The following MINDY1 variants were observed in gnomAD, a reference collection of about 807,000 sequenced individuals.
MINDY1 encodes the protein ubiquitin carboxyl-terminal hydrolase MINDY-1.
In MINDY1, 50 loss-of-function variants were observed where a neutral mutation model predicts 53.6. The ratio of observed to expected loss-of-function variants is 0.93; its 90% CI spans 0.74 to 1.18. MINDY1 has a LOEUF of 1.18. Among genes scored for constraint, MINDY1 ranks in the 50% most tolerant of loss-of-function variants. MINDY1 has a pLI of 0.00. For synonymous variants in MINDY1, 231 were observed against 234.7 expected (o/e 0.98, Z 0.14); for missense variants, 484 against 578.6 (o/e 0.84, Z 1.68).
At chr1:151,007,005 C>T (rs1411122988), upstream of MINDY1, 1 of 496,794 alleles carries the variant, frequency 2.0e-6, no homozygotes, top group Non-Finnish European at 2.6e-6. Context: ...TATGGCAGTC[C>T]TTTGCTCTGG....
chr1:151,006,328 C>T lies in MINDY1; in HGVS notation c.-106G>A. Reference sequence around the variant, plus strand: ...AGTTTTTACCTTAAAGAAGGGGGTGCTGTTCCAAGATTGAGAAGGAGGGTT... The same window carrying T: ...AGTTTTTACCTTAAAGAAGGGGGTGTTGTTCCAAGATTGAGAAGGAGGGTT... On this transcript the variant is annotated 5_prime_UTR_variant, in exon 1 of 10. Transcript: ENST00000683666. 1 of 1,415,574 alleles carries T rather than the reference C, an allele frequency of 7.1e-7. No individual in the cohort carries two copies. 87.7% of individuals were successfully genotyped at this position (1,415,574 alleles called of 1,614,324 possible).
Position 151,000,462 on chromosome 1 carries a change from G to A in MINDY1, c.730C>T (p.Pro244Ser). The A allele has an allele frequency of 1.2e-6, 2 of 1,602,788 alleles. No homozygotes were observed. Among genetic ancestry groups the A allele is most frequent in the South Asian group, 2.2e-5 (2 of 89,440 alleles). ...IPLYHGWLVD[P>S]QSPEAVRAVG... Reference sequence around the variant, plus strand: ...GTGGGCCCTCCCACCCTCACCTGTGGATCAACAAGCCAGCCATGGTACAGA... The same window carrying A: ...GTGGGCCCTCCCACCCTCACCTGTGAATCAACAAGCCAGCCATGGTACAGA... The change falls in exon 5 of 10, where the codon CCA becomes TCA. Residue 244 changes from proline to serine, a missense_variant. Transcript: ENST00000683666.
At chr1:151,000,399 T>C in intron 5 of MINDY1, 58 bp downstream of exon 5, 1 of 1,517,038 alleles carries the variant, frequency 6.6e-7, no homozygotes, top group Non-Finnish European at 8.8e-7. Context: ...GACAAAAATT[T>C]GCCTCTCTCA....
Position 150,999,795 on chromosome 1 carries a change from T to A in MINDY1, c.838+67A>T. The A allele has an allele frequency of 7.1e-7, 1 of 1,409,334 alleles. No homozygotes were observed. The highest frequency in any genetic ancestry group is 1.0e-6 in the Non-Finnish European group (1 of 1,003,164). The allele number at this position is 1,409,334 out of a possible 1,614,324, so 87.3% of individuals were successfully genotyped here. Reference sequence around the variant, plus strand: ...GGATGTGGTAGGAGATGACACCCAATAAAAAATAAGCCTAAGTAGCTGTCA... The same window carrying A: ...GGATGTGGTAGGAGATGACACCCAAAAAAAAATAAGCCTAAGTAGCTGTCA... On this transcript the variant is annotated intron_variant, in intron 6 of 9. Transcript: ENST00000683666. The surrounding 1 kb of genome is among the most constrained non-coding windows in gnomAD (Gnocchi z 4.4).
At chr1:151,008,355 C>T, upstream of MINDY1, 2 of 1,290,928 alleles carry the variant, frequency 1.5e-6, no homozygotes, top group Non-Finnish European at 2.0e-6. Flanking sequence ...CCACGCCACG[C>T]CCCCTTGGCC....
chr1:151,001,588 G>T, intron 3 of MINDY1, 137 bp downstream of exon 3: 1 of 1,107,188 alleles, frequency 9.0e-7, no homozygotes, highest in Non-Finnish European at 1.3e-6. Context: ...CAGCCTTGCA[G>T]AGAAGCCCCA....
rs1431653641 is a variant in MINDY1, at chr1:151,000,511, A to C, written c.681T>G (p.Ser227Arg). Residue 227 changes from serine to arginine, a missense_variant, in exon 5 of 10, where the codon AGT (serine) becomes AGG (arginine). Transcript: ENST00000683666. ...VSDFEYTPEC[S>R]VFDLLGIPLY... ...GAGGTATGCCTAGCAGGTCAAAGAC[A>C]CTGCACTCGGGTGTATACTCAAAAT... 6.2e-7 allele frequency: 1 copy of C among 1,614,010 alleles called. No individual in the cohort carries two copies. Among genetic ancestry groups the C allele is most frequent in the Non-Finnish European group, 8.5e-7 (1 of 1,179,964 alleles).
Position 151,002,764 on chromosome 1 carries a change from G to A in MINDY1, c.-89-58C>T. 14 of 1,500,302 alleles carry A rather than the reference G, an allele frequency of 9.3e-6. No homozygotes were observed. Among genetic ancestry groups the A allele is most frequent in the Non-Finnish European group, 1.2e-5 (14 of 1,122,620 alleles). The allele number at this position is 1,500,302 out of a possible 1,614,324, so 92.9% of individuals were successfully genotyped here. A position where few individuals can be genotyped will look rare whatever the true frequency, so the allele number is the denominator to read the frequency against. On this transcript the variant is annotated intron_variant, in intron 1 of 9. Transcript: ENST00000683666. The surrounding 1 kb of genome is among the most constrained non-coding windows in gnomAD (Gnocchi z 4.1). ...AAGCAAACTAACCCAGAAAAGTCTT[G>A]GAAAAGGAATGTAGTGTAGAAGGCT...
rs755855761 is a variant in MINDY1 at position 150,999,527 on chromosome 1, G to C, written c.839-16C>G. ...GCAATCAGGCCTGCCAGAAAGGGACGAGTCGGGGGAAACTTGGCTTAAATT... is the reference window on the plus strand; with the variant it reads ...GCAATCAGGCCTGCCAGAAAGGGACCAGTCGGGGGAAACTTGGCTTAAATT... On this transcript the variant is annotated splice_polypyrimidine_tract_variant and intron_variant, in intron 6 of 9. Coordinates refer to ENST00000683666, the MANE Select transcript of MINDY1 (RefSeq NM_001376665.1). This position sits in a 1 kb window ranked among gnomAD's most constrained non-coding sequence, Gnocchi z 4.4. 6.2e-7 allele frequency: 1 copy of C among 1,613,038 alleles called. No homozygotes were observed. Among genetic ancestry groups the C allele is most frequent in the Non-Finnish European group, 8.5e-7 (1 of 1,179,882 alleles).
rs1672611630 is a variant in MINDY1 at position 151,001,782 on chromosome 1, C to G, written c.454G>C (p.Val152Leu). 6.9e-6 allele frequency: 11 copies of G among 1,596,746 alleles called. No homozygotes were observed. Among genetic ancestry groups the G allele is most frequent in the Non-Finnish European group, 9.4e-6 (11 of 1,174,896 alleles). ...ACTTCCTTCTGCGGGGGGAGCTTCA[C>G]CTGGAGGCAGAAGGGGTGATCACGT... ...IMNILFLQWK[V>L]KLPPQKEVIT... Residue 152 changes from valine (V) to leucine (L), a missense_variant and splice_region_variant, in exon 3 of 10, where the codon GTG becomes CTG. By Grantham distance (32) the Val-to-Leu change is conservative. Coordinates refer to ENST00000683666, the MANE Select transcript of MINDY1 (RefSeq NM_001376665.1).
rs1571722525 is a variant in MINDY1, at chr1:151,000,750, C to T, written c.577-135G>A. The T allele has an allele frequency of 3.2e-6, 3 of 930,584 alleles. No individual in the cohort carries two copies. The East Asian group carries it at 7.5e-5, about 23-fold the overall frequency. The allele number at this position is 930,584 out of a possible 1,614,324, so 57.6% of individuals were successfully genotyped here. A position where few individuals can be genotyped will look rare whatever the true frequency, so the allele number is the denominator to read the frequency against. On this transcript the variant is annotated intron_variant, in intron 4 of 9. Transcript: ENST00000683666. ...TACAAGCCACTCCATTTCTCCCTTG[C>T]CTCAACCCTTCTCTATCTTATATAA...
At chr1:151,006,011 G>A in intron 1 of MINDY1, 2 of 1,490,046 alleles carry the variant, frequency 1.3e-6, no homozygotes, top group Non-Finnish European at 1.8e-6. Flanking sequence ...CTCCTTCTTA[G>A]TCTGACCTAT....
rs189395078 is a variant in MINDY1, at chr1:151,006,570, G to C, written c.-348C>G. The C allele has an allele frequency of 2.0e-6, 2 of 995,616 alleles. No homozygotes were observed. The highest frequency in any genetic ancestry group is 3.5e-5 in the African/African-American group (2 of 57,708). The allele number at this position is 995,616 out of a possible 1,614,324, so 61.7% of individuals were successfully genotyped here. ...GGACACAGCCAAGGTGCTCCAGGTC[G>C]CTCAGAGAGTCTTCAGGATTCCTGA... On this transcript the variant is annotated 5_prime_UTR_variant, in exon 1 of 10. Coordinates refer to ENST00000683666, the MANE Select transcript of MINDY1 (RefSeq NM_001376665.1).
Position 151,001,740 on chromosome 1 carries a change from G to C in MINDY1, c.496C>G (p.Leu166Val). Residue 166 changes from leucine (L) to valine (V), a missense_variant, in exon 3 of 10, where the codon CTC becomes GTC. Coordinates refer to ENST00000683666, the MANE Select transcript of MINDY1 (RefSeq NM_001376665.1). Reference protein sequence around the residue: ...PQKEVITSDELMAHLGNCLLS... With the variant: ...PQKEVITSDEVMAHLGNCLLS... ...AGTCACTCACCAAGATGGGCCATGA[G>C]CTCATCCGATGTGATCACTTCCTTC... 3.7e-6 allele frequency: 6 copies of C among 1,610,606 alleles called. No individual in the cohort carries two copies. The highest frequency in any genetic ancestry group is 5.1e-6 in the Non-Finnish European group (6 of 1,178,956).
Position 151,006,682 on chromosome 1 carries a change from T to A in MINDY1, c.-460A>T. On this transcript the variant is annotated 5_prime_UTR_variant, in exon 1 of 10. The change creates a premature stop within an existing upstream ORF in the 5' untranslated region. Transcript: ENST00000683666. The stretch of plus-strand genomic sequence containing the variant: ...TGTGGTTTTTCTTTTCTTCTCTCTC[T>A]CTTTTTTGTTCTCATCAGGACGAAG... 1 of 986,006 alleles carries A rather than the reference T, an allele frequency of 1.0e-6. No individual in the cohort carries two copies. Among genetic ancestry groups the A allele is most frequent in the Non-Finnish European group, 1.2e-6 (1 of 830,316 alleles). 61.1% of individuals were successfully genotyped at this position (986,006 alleles called of 1,614,324 possible). A position where few individuals can be genotyped will look rare whatever the true frequency, so the allele number is the denominator to read the frequency against.
chr1:150,999,755 A>C lies in MINDY1; in HGVS notation c.838+107T>G. The C allele has an allele frequency of 4.5e-6, 5 of 1,107,268 alleles. No homozygotes were observed. The highest frequency in any genetic ancestry group is 6.5e-6 in the Non-Finnish European group (5 of 766,810). The allele number at this position is 1,107,268 out of a possible 1,614,324, so 68.6% of individuals were successfully genotyped here. Reference sequence around the variant, plus strand: ...AAATTCCCCAAGCTCCTTCTTGTGAAGCTTATATCTAGTGGGATGTGGTAG... The same window carrying C: ...AAATTCCCCAAGCTCCTTCTTGTGACGCTTATATCTAGTGGGATGTGGTAG... On this transcript the variant is annotated intron_variant, in intron 6 of 9. Transcript: ENST00000683666. This position sits in a 1 kb window ranked among gnomAD's most constrained non-coding sequence, Gnocchi z 4.4.
At chr1:151,003,792 C>A (rs1672829867) in intron 1 of MINDY1, among the ~76,000 whole-genome samples, 1 of 152,084 alleles carries the variant, frequency 6.6e-6, no homozygotes. Context: ...CTACCTAAAC[C>A]CAGAGGTACT....
rs763617620 is a variant in MINDY1, at chr1:151,001,757, A to C, written c.479T>G (p.Val160Gly). ...GGCCATGAGCTCATCCGATGTGATCACTTCCTTCTGCGGGGGGAGCTTCAC... is the reference window on the plus strand; with the variant it reads ...GGCCATGAGCTCATCCGATGTGATCCCTTCCTTCTGCGGGGGGAGCTTCAC... ...WKVKLPPQKEVITSDELMAHL... is the reference protein window; with the variant it reads ...WKVKLPPQKEGITSDELMAHL... The change falls in exon 3 of 10, where the codon GTG (valine) becomes GGG (glycine). Residue 160 changes from valine (V) to glycine (G), a missense_variant. By Grantham distance (109) the Val-to-Gly change is moderately radical. Transcript: ENST00000683666. 3 of 1,602,170 alleles carry C rather than the reference A, an allele frequency of 1.9e-6. No homozygotes were observed. Among genetic ancestry groups the C allele is most frequent in the African/African-American group, 1.4e-5 (1 of 74,040 alleles).
chr1:151,000,082 AC>A, intron 5 of MINDY1, 118 bp from the exon 6 acceptor site: 1 of 690,874 alleles, frequency 1.4e-6, no homozygotes. Context: ...GTTCCTAAAC[AC>A]TTTTTTTTTT....
Sources: allele counts gnomAD v4.1 joint callset (sites outside exome capture counted in the v4.1 genomes callset), GRCh38; gene constraint gnomAD v4.1.1; non-coding constraint Gnocchi (gnomAD v3.1); transcripts MANE v1.5; gene names NCBI Gene and HGNC (gene_info 2026-07-23, HGNC 2026-07-21).